Variants in SNAP91 observed in about 807,000 individuals in gnomAD.
SNAP91 encodes clathrin coat assembly protein AP180.
A neutral mutation model predicts 100.3 loss-of-function variants in SNAP91; 27 were observed. The observed-to-expected ratio is 0.27, with a 90% CI of 0.20 to 0.37. The LOEUF is 0.37. Ranked by LOEUF, SNAP91 falls within the 10% of genes least tolerant of loss-of-function variation. The pLI, the probability that SNAP91 is intolerant of heterozygous loss-of-function variation, is 1.00. For synonymous variants in SNAP91, 404 were observed against 398.6 expected (o/e 1.01, Z -0.16); for missense variants, 986 against 1,123.7 (o/e 0.88, Z 1.75).
chr6:83,573,617 G>T (rs1188545827), intron 26 of SNAP91, among the ~76,000 whole-genome samples: 1 of 152,104 alleles, frequency 6.6e-6, no homozygotes, highest in Non-Finnish European at 1.5e-5. Flanking sequence ...TAGACCAATG[G>T]AACAGAACAG....
intron 7 of SNAP91, among the ~76,000 whole-genome samples, chr6:83,655,114 T>G (rs1032305588): frequency 6.6e-6 from 1 of 152,166 alleles, no homozygotes; most frequent in Non-Finnish European, 1.5e-5. Context: ...CATGTCAAAG[T>G]ATGGGAGAAT....
chr6:83,556,396 A>AG (rs1562072029), intron 28 of SNAP91, among the ~76,000 whole-genome samples, 151 bp from the exon 29 acceptor site: 1,448 of 46,712 alleles, frequency 0.031, 44 homozygotes, highest in Non-Finnish European at 0.036. Flanking sequence ...AGAGAGAGAG[A>AG]AAAGCATTAG....
At chr6:83,691,886 C>T (rs1036768688) in intron 2 of SNAP91, among the ~76,000 whole-genome samples, 2 of 152,158 alleles carry the variant, frequency 1.3e-5, no homozygotes, top group Admixed American at 1.3e-4. Flanking sequence ...CCATAACAGA[C>T]ACTCCAAAGT....
intron 24 of SNAP91, among the ~76,000 whole-genome samples, chr6:83,579,553 G>A (rs540783300): frequency 6.6e-5 from 10 of 152,102 alleles, no homozygotes; most frequent in South Asian, 2.1e-4. Flanking sequence ...ATAATATTAC[G>A]TATCTACAGT....
intron 26 of SNAP91, among the ~76,000 whole-genome samples, chr6:83,563,319 G>A (rs1361894501): frequency 2.0e-5 from 3 of 152,068 alleles, no homozygotes; most frequent in Non-Finnish European, 4.4e-5. Context: ...GCTGTTTGAC[G>A]AAGTCCAACA....
chr6:83,701,826 G>C (rs1300539160), intron 2 of SNAP91, among the ~76,000 whole-genome samples: 3 of 152,182 alleles, frequency 2.0e-5, no homozygotes, highest in Non-Finnish European at 4.4e-5. Flanking sequence ...AGGAAGAGGA[G>C]GATCCTCACA....
At chr6:83,615,570 C>A (rs191187822) in intron 10 of SNAP91, among the ~76,000 whole-genome samples, 6 of 152,152 alleles carry the variant, frequency 3.9e-5, no homozygotes, top group Non-Finnish European at 7.4e-5. Context: ...TCTGATCATC[C>A]CCGGCCACGC....
intron 7 of SNAP91, among the ~76,000 whole-genome samples, chr6:83,644,685 G>C (rs2097848355): frequency 6.6e-6 from 1 of 152,108 alleles, no homozygotes. Context: ...TTCTACATAA[G>C]CTGTTACTAA....
rs150283920 is a variant in SNAP91 at position 83,619,747 on chromosome 6, T to C, written c.808-2708A>G. 4.2e-3 allele frequency among the ~76,000 whole-genome samples: 647 copies of C among 152,338 alleles called. 4 individuals carry two copies. Among genetic ancestry groups the C allele is most frequent in the South Asian group, 0.016 (76 of 4,830 alleles). The stretch of plus-strand genomic sequence containing the variant: ...AATGAAGATATTTACATTTGGAATG[T>C]ACACATGCCACAAACAGGAAATAAT... On this transcript the variant is annotated intron_variant, in intron 9 of 29. Transcript: ENST00000369694.
At position 83,592,980 on chromosome 6, in the gene SNAP91, C is replaced by A. The variant is rs760832767; in HGVS notation, c.1812G>T (p.Val604=). 4.4e-6 allele frequency: 7 copies of A among 1,586,396 alleles called. No individual in the cohort carries two copies. Among genetic ancestry groups the A allele is most frequent in the Non-Finnish European group, 5.1e-6 (6 of 1,165,952 alleles). ...FSSPPQGASP[V]PESSLTADLL... Reference sequence around the variant, plus strand: ...GGTCAGCAGTGAGAGAACTCTCAGGCACAGGAGAGGCCCCTTGTGGTGGAG... The same window carrying A: ...GGTCAGCAGTGAGAGAACTCTCAGGAACAGGAGAGGCCCCTTGTGGTGGAG... The change falls in exon 20 of 30, where the codon GTG becomes GTT. Residue 604 remains valine (V), a synonymous_variant. Coordinates refer to ENST00000369694, the MANE Select transcript of SNAP91 (RefSeq NM_001242792.2).
chr6:83,709,286 C>CGGG (rs2099421852), upstream of SNAP91: 1 of 152,222 alleles, frequency 6.6e-6, no homozygotes. Flanking sequence ...CCCCGGCAAG[C>CGGG]CGGCGGGGAG....
intron 5 of SNAP91, among the ~76,000 whole-genome samples, chr6:83,659,483 G>A (rs1273008651): frequency 6.9e-6 from 1 of 144,562 alleles, no homozygotes; most frequent in Non-Finnish European, 1.5e-5. Context: ...GGAGTGCAAT[G>A]GCATGATCAT....
chr6:83,559,334 AG>A (rs1016299403), intron 28 of SNAP91, among the ~76,000 whole-genome samples: 1 of 152,194 alleles, frequency 6.6e-6, no homozygotes, highest in Non-Finnish European at 1.5e-5. Context: ...TGGATGCTGA[AG>A]CTCAGGTGAG....
At chr6:83,585,693 G>A (rs998630718) in intron 22 of SNAP91, among the ~76,000 whole-genome samples, 1 of 152,046 alleles carries the variant, frequency 6.6e-6, no homozygotes, top group Non-Finnish European at 1.5e-5. Flanking sequence ...TTTAATCACA[G>A]ATGATTAGTC....
rs147047945 is a variant in SNAP91 at position 83,706,177 on chromosome 6, T to A, written c.130+1621A>T. Among the ~76,000 whole-genome samples, 73 of 152,364 alleles carry A rather than the reference T, an allele frequency of 4.8e-4. 1 individual carries two copies. In the East Asian group the frequency reaches 0.012, roughly 26 times the overall value. ...ACCTGTGAATGTTCTCTGAAATATA[T>A]CAGTATACTGATTTATCATTTTAAT... On this transcript the variant is annotated intron_variant, in intron 2 of 29. Coordinates refer to ENST00000369694, the MANE Select transcript of SNAP91 (RefSeq NM_001242792.2).
At chr6:83,707,260 T>TCA (rs572573261) in intron 2 of SNAP91, among the ~76,000 whole-genome samples, 2,112 of 150,362 alleles carry the variant, frequency 0.014, 43 homozygotes, top group African/African-American at 0.039. Context: ...GTAACATACC[T>TCA]CACACACACA....
At chr6:83,591,348 C>T in intron 21 of SNAP91, 54 bp from the exon 22 acceptor site, 6 of 1,165,534 alleles carry the variant, frequency 5.1e-6, no homozygotes, top group South Asian at 3.7e-5. Context: ...AAAGTAAGTA[C>T]AGTAAGTAAT....
At chr6:83,652,586 A>G (rs1361059423) in intron 7 of SNAP91, among the ~76,000 whole-genome samples, 1 of 152,110 alleles carries the variant, frequency 6.6e-6, no homozygotes, top group South Asian at 2.1e-4. Flanking sequence ...ACATAAACAT[A>G]TATTATTGCT....
At chr6:83,600,201 A>G (rs2095009409) in intron 16 of SNAP91, among the ~76,000 whole-genome samples, 1 of 152,208 alleles carries the variant, frequency 6.6e-6, no homozygotes, top group Admixed American at 6.5e-5. Flanking sequence ...TTTGTGCAGC[A>G]GTGGCAACAA....
Sources: allele counts gnomAD v4.1 joint callset (sites outside exome capture counted in the v4.1 genomes callset), GRCh38; gene constraint gnomAD v4.1.1; transcripts MANE v1.5; gene names NCBI Gene and HGNC (gene_info 2026-07-23, HGNC 2026-07-21).